RERE: variants seen among roughly 807,000 people sequenced by gnomAD.
RERE encodes the protein arginine-glutamic acid dipeptide repeats protein.
In RERE, 40 loss-of-function variants were observed where a neutral mutation model predicts 146.1. The observed-to-expected ratio is 0.27, with a 90% CI of 0.21 to 0.36. The LOEUF is 0.36. Ranked by LOEUF, RERE falls within the 10% of genes least tolerant of loss-of-function variation. The probability of loss-of-function intolerance (pLI) is 1.00; values close to 1 mark genes in which losing one functional copy is unlikely to be tolerated. For synonymous variants in RERE, 1,003 were observed against 866.0 expected (o/e 1.16, Z -2.78); for missense variants, 1,933 against 2,138.7 (o/e 0.90, Z 1.90).
chr1:8,671,582 T>G (rs1473768691), intron 1 of RERE, among the ~76,000 whole-genome samples: 1 of 152,190 alleles, frequency 6.6e-6, no homozygotes, highest in Admixed American at 6.5e-5. Flanking sequence ...AAGGAAAAAC[T>G]ATTTGAAAGA....
At chr1:8,385,910 A>G (rs1459300678) in intron 12 of RERE, among the ~76,000 whole-genome samples, 1 of 131,846 alleles carries the variant, frequency 7.6e-6, no homozygotes, top group Non-Finnish European at 1.6e-5. Context: ...TGGAGCTTGC[A>G]GTGAGTGGAG....
In RERE at chr1:8,358,677, G is replaced by A. The variant is rs750084741; in HGVS notation, c.3858C>T (p.Ala1286=). The change falls in exon 20 of 23, where the codon GCC becomes GCT. Residue 1286 remains alanine (A), a synonymous_variant. Coordinates refer to ENST00000400908, the MANE Select transcript of RERE (RefSeq NM_001042681.2). ...MPLNPTDPLL[A]YHMPGLYNVD... is the part of the protein sequence containing the mutation. ...CGTTGTAGAGGCCAGGCATGTGGTA[G>A]GCCAGCAGGGGGTCCGTGGGGTTAA... is the stretch of plus-strand genomic sequence containing the variant. 1.9e-6 allele frequency: 3 copies of A among 1,585,006 alleles called. No individual in the cohort carries two copies. In the South Asian group the frequency reaches 3.5e-5, roughly 18 times the overall value.
intron 1 of RERE, among the ~76,000 whole-genome samples, chr1:8,743,923 C>T (rs1380154265): frequency 6.6e-6 from 1 of 152,122 alleles, no homozygotes; most frequent in Non-Finnish European, 1.5e-5. Flanking sequence ...TCTGTTTTCT[C>T]CCACTAGAAT....
chr1:8,687,514 G>A lies in RERE; in HGVS notation c.-144-31073C>T, dbSNP rs144718152. Among the ~76,000 whole-genome samples the A allele has an allele frequency of 3.0e-3, 459 of 152,296 alleles. 3 individuals are homozygous for A. The highest frequency in any genetic ancestry group is 0.011 in the African/African-American group (437 of 41,556). ...TTAACCAATTGGGAATTAACACTGA[G>A]AAACTCACCAAATCTGAGACATAAA... On this transcript the variant is annotated intron_variant, in intron 1 of 22. Transcript: ENST00000400908.
chr1:8,515,027 T>C (rs1173395393), intron 7 of RERE, among the ~76,000 whole-genome samples: 1 of 152,194 alleles, frequency 6.6e-6, no homozygotes, highest in African/African-American at 2.4e-5. Context: ...TTAACAGACA[T>C]GTTAGTATTG....
intron 1 of RERE, among the ~76,000 whole-genome samples, chr1:8,668,977 CAG>C (rs1266066158): frequency 1.9e-4 from 5 of 25,840 alleles, no homozygotes; most frequent in Non-Finnish European, 3.1e-4. Context: ...GTTTTTAAGA[CAG>C]GGTCTCACTC....
chr1:8,582,872 T>C (rs6663123), intron 4 of RERE, among the ~76,000 whole-genome samples: 94,789 of 152,018 alleles, frequency 0.62, 29,944 homozygotes, highest in East Asian at 0.83. Flanking sequence ...TTTAAGATGA[T>C]AGGACCAGGG....
intron 12 of RERE, among the ~76,000 whole-genome samples, chr1:8,370,463 G>A (rs1212243195): frequency 6.6e-6 from 1 of 152,220 alleles, no homozygotes; most frequent in Non-Finnish European, 1.5e-5. Flanking sequence ...TGTACTTAAA[G>A]TGGGTGCATT....
At chr1:8,375,067 T>G (rs1642188141) in intron 12 of RERE, among the ~76,000 whole-genome samples, 1 of 151,428 alleles carries the variant, frequency 6.6e-6, no homozygotes, top group Non-Finnish European at 1.5e-5. Context: ...GGCTTCCCTG[T>G]GCTGTAACCA....
At chr1:8,649,746 AT>A (rs1265108589) in intron 2 of RERE, among the ~76,000 whole-genome samples, 109 of 151,398 alleles carry the variant, frequency 7.2e-4, no homozygotes, top group African/African-American at 2.2e-3. Context: ...AAAAAAAAAA[AT>A]GTATATATAT....
intron 1 of RERE, among the ~76,000 whole-genome samples, chr1:8,757,950 T>C (rs1241628547): frequency 9.4e-6 from 1 of 106,000 alleles, no homozygotes; most frequent in African/African-American, 3.2e-5. Flanking sequence ...AATAGGATAC[T>C]ATGTGTTCTA....
chr1:8,525,772 A>G, intron 7 of RERE: 1 of 1,600,504 alleles, frequency 6.2e-7, no homozygotes, highest in Non-Finnish European at 8.5e-7. Context: ...CAGGGGCTGA[A>G]TGGATCATCC....
At chr1:8,789,007 G>C (rs1329450688) in intron 1 of RERE, among the ~76,000 whole-genome samples, 1 of 151,868 alleles carries the variant, frequency 6.6e-6, no homozygotes, top group Non-Finnish European at 1.5e-5. Flanking sequence ...AGGAGGGGGA[G>C]ATAAACAGGT....
chr1:8,805,717 C>T (rs1285170663), intron 1 of RERE: 2 of 151,300 alleles, frequency 1.3e-5, no homozygotes, highest in Non-Finnish European at 2.9e-5. Context: ...GTCCCAGCTA[C>T]TCAGAAGGCT....
rs909490635 is a variant in RERE at position 8,356,700 on chromosome 1, G to A, written c.4340-454C>T. Among the ~76,000 whole-genome samples the A allele has an allele frequency of 3.3e-5, 5 of 152,150 alleles. No homozygotes were observed. Among genetic ancestry groups the A allele is most frequent in the African/African-American group, 1.2e-4 (5 of 41,438 alleles). ...AACCTAAAGGAGGCCAGCAGAGTGG[G>A]TGGCGCAGAATGGGGACCTGGCACA... is the stretch of plus-strand genomic sequence containing the variant. On this transcript the variant is annotated intron_variant, in intron 20 of 22. Transcript: ENST00000400908. The surrounding 1 kb of genome is among the most constrained non-coding windows in gnomAD (Gnocchi z 5.2).
At chr1:8,366,887 T>A (rs1457549819) in intron 12 of RERE, among the ~76,000 whole-genome samples, 9 of 125,152 alleles carry the variant, frequency 7.2e-5, no homozygotes, top group African/African-American at 2.8e-4. Flanking sequence ...CAAGATAAAG[T>A]CTCTTTACCT....
intron 11 of RERE, 109 bp downstream of exon 11, chr1:8,465,816 T>C (rs750494136): frequency 4.8e-5 from 43 of 899,190 alleles, no homozygotes; most frequent in Non-Finnish European, 6.9e-5. Context: ...CGGACAGCCA[T>C]TCTGCATGAC....
intron 2 of RERE, among the ~76,000 whole-genome samples, chr1:8,630,178 T>C (rs1429137451): frequency 6.6e-6 from 1 of 152,120 alleles, no homozygotes; most frequent in Non-Finnish European, 1.5e-5. Flanking sequence ...ATATGTTATG[T>C]GTGTGTGCAT....
At chr1:8,389,576 C>T (rs1470447621) in intron 12 of RERE, among the ~76,000 whole-genome samples, 1 of 152,126 alleles carries the variant, frequency 6.6e-6, no homozygotes, top group Non-Finnish European at 1.5e-5. Context: ...TTAGGCAAGA[C>T]CCCCCTACCG....
Sources: gnomAD v4.1 joint callset for allele counts (sites outside exome capture counted in the v4.1 genomes callset) on GRCh38, gnomAD v4.1.1 for gene constraint, Gnocchi (gnomAD v3.1) non-coding constraint, MANE v1.5 for transcripts, NCBI Gene and HGNC (gene_info 2026-07-23, HGNC 2026-07-21) for gene names.